MAP3K2: variants seen among roughly 807,000 people sequenced by gnomAD.
The protein encoded by MAP3K2 is mitogen-activated protein kinase kinase kinase 2.
In MAP3K2, 24 loss-of-function variants were observed where a neutral mutation model predicts 80.3. The ratio of observed to expected loss-of-function variants is 0.30; its 90% confidence interval spans 0.22 to 0.42. MAP3K2 has a LOEUF of 0.42. Among genes scored for constraint, MAP3K2 ranks in the 10% least tolerant of loss-of-function variants. The pLI is 1.00. For synonymous variants in MAP3K2, 244 were observed against 253.7 expected (o/e 0.96, Z 0.36); for missense variants, 608 against 750.1 (o/e 0.81, Z 2.21).
chr2:127,308,379 G>A (rs1023344560), intron 16 of MAP3K2, among the ~76,000 whole-genome samples: 2 of 152,186 alleles, frequency 1.3e-5, no homozygotes, highest in African/African-American at 4.8e-5. Flanking sequence ...CCTTCCTAAA[G>A]AATGGAGGAC....
intron 7 of MAP3K2, among the ~76,000 whole-genome samples, chr2:127,327,454 G>A (rs1192405117): frequency 6.6e-6 from 1 of 151,632 alleles, no homozygotes; most frequent in Non-Finnish European, 1.5e-5. Context: ...ATTGATTTAG[G>A]CTTCATAACA....
In MAP3K2 at chr2:127,387,394, G is replaced by A. The variant is rs867137127; in HGVS notation, c.-66+58C>T. On this transcript the variant is annotated intron_variant, in intron 1 of 16. Transcript: ENST00000682094. ...CCAGCCCGCGGCCCCCGACACACAC[G>A]CGCGCACACACACACACACACACAC... 1,160 of 365,908 alleles carry A rather than the reference G, an allele frequency of 3.2e-3. 22 individuals are homozygous for A. In the African/African-American group the frequency reaches 0.11, roughly 35 times the overall value. 22.7% of individuals were successfully genotyped at this position (365,908 alleles called of 1,614,324 possible).
At chr2:127,377,618 T>C (rs1374055887) in intron 1 of MAP3K2, among the ~76,000 whole-genome samples, 1 of 152,168 alleles carries the variant, frequency 6.6e-6, no homozygotes, top group Admixed American at 6.5e-5. Context: ...ACCTGTAAAA[T>C]CAGAAAAATA....
chr2:127,325,609 G>A lies in MAP3K2; in HGVS notation c.677+119C>T, dbSNP rs571784064. 1,217 of 706,310 alleles carry A rather than the reference G, an allele frequency of 1.7e-3. 3 individuals are homozygous for A. Among genetic ancestry groups the A allele is most frequent in the Non-Finnish European group, 2.5e-3 (1,023 of 412,058 alleles). The allele number at this position is 706,310 out of a possible 1,614,324, so 43.8% of individuals were successfully genotyped here. ...GGTCAGAGGTGGGAGGACTGATGGA[G>A]CCAAGGAGGTCAAGGCTGCAGTAAG... is the stretch of plus-strand genomic sequence containing the variant. On this transcript the variant is annotated intron_variant, in intron 9 of 16. Coordinates refer to ENST00000682094, the MANE Select transcript of MAP3K2 (RefSeq NM_001371910.2).
intron 1 of MAP3K2, among the ~76,000 whole-genome samples, chr2:127,374,237 C>T (rs777400271): frequency 2.6e-5 from 4 of 152,164 alleles, no homozygotes; most frequent in Non-Finnish European, 4.4e-5. Flanking sequence ...AACTTTGAGA[C>T]GGCCTTCATT....
At chr2:127,357,434 G>C (rs1686815596) in intron 1 of MAP3K2, among the ~76,000 whole-genome samples, 1 of 152,204 alleles carries the variant, frequency 6.6e-6, no homozygotes, top group African/African-American at 2.4e-5. Context: ...GCTGCAGTGA[G>C]CAATGATTGC....
At chr2:127,370,799 G>T (rs1242999555) in intron 1 of MAP3K2, among the ~76,000 whole-genome samples, 1 of 152,186 alleles carries the variant, frequency 6.6e-6, no homozygotes, top group African/African-American at 2.4e-5. Context: ...ACACAGAAGA[G>T]CCTAAAAAGG....
At chr2:127,383,195 T>G (rs528194165) in intron 1 of MAP3K2, among the ~76,000 whole-genome samples, 1 of 152,272 alleles carries the variant, frequency 6.6e-6, no homozygotes, top group African/African-American at 2.4e-5. Flanking sequence ...TCCAGTCACC[T>G]CCCACCAGGC....
At chr2:127,340,319 A>G (rs1223871321) in intron 2 of MAP3K2, among the ~76,000 whole-genome samples, 7 of 152,210 alleles carry the variant, frequency 4.6e-5, no homozygotes, top group Admixed American at 4.6e-4. Flanking sequence ...TAAGCTCACA[A>G]TGATCTCAAC....
At chr2:127,358,917 T>TCA (rs1383984980) in intron 1 of MAP3K2, among the ~76,000 whole-genome samples, 18 of 133,342 alleles carry the variant, frequency 1.3e-4, no homozygotes, top group African/African-American at 2.7e-4. Context: ...TCCAAAACAA[T>TCA]AAAAAAAAAA....
chr2:127,359,131 C>G (rs1420641203), intron 1 of MAP3K2, among the ~76,000 whole-genome samples: 2 of 152,036 alleles, frequency 1.3e-5, no homozygotes, highest in Admixed American at 6.6e-5. Flanking sequence ...CATCACTATA[C>G]TATACAACAC....
chr2:127,314,654 A>T (rs1288266402), intron 15 of MAP3K2, 100 bp downstream of exon 15: 6 of 938,386 alleles, frequency 6.4e-6, no homozygotes, highest in African/African-American at 1.7e-5. Flanking sequence ...AGTATTTCAG[A>T]GACAGATGAA....
chr2:127,352,962 A>G (rs1021185506), intron 1 of MAP3K2, among the ~76,000 whole-genome samples: 2 of 152,258 alleles, frequency 1.3e-5, no homozygotes, highest in Admixed American at 1.3e-4. Flanking sequence ...CGGCCTCCCA[A>G]GGTGCCGGGA....
chr2:127,332,281 C>A lies in MAP3K2; in HGVS notation c.265-1776G>T, dbSNP rs868412822. ...TTTTAAAGCAATGGTAATGACTGTT[C>A]CGCCGATTTTTCATTTGAGGGGAAA... On this transcript the variant is annotated intron_variant, in intron 5 of 16. Transcript: ENST00000682094. Among the ~76,000 whole-genome samples, 3 of 152,296 alleles carry A rather than the reference C, an allele frequency of 2.0e-5. 1 individual carries two copies. Among genetic ancestry groups the A allele is most frequent in the South Asian group, 4.1e-4 (2 of 4,824 alleles).
At chr2:127,380,099 G>T (rs1203969962) in intron 1 of MAP3K2, among the ~76,000 whole-genome samples, 1 of 152,156 alleles carries the variant, frequency 6.6e-6, no homozygotes, top group Admixed American at 6.5e-5. Context: ...CAATGATTTT[G>T]GGAGGCATCA....
Position 127,298,939 on chromosome 2 carries a change from A to T in MAP3K2, c.*8640T>A, listed in dbSNP as rs1285024063. On this transcript the variant is annotated 3_prime_UTR_variant, in exon 17 of 17. Coordinates refer to ENST00000682094, the MANE Select transcript of MAP3K2 (RefSeq NM_001371910.2). ...AAAATATAAACATGGTTTCTTTTAT[A>T]TTAGATTTTTTTTTAAAAAAAAGCT... The T allele has an allele frequency of 7.4e-6, 1 of 134,532 alleles. No individual in the cohort carries two copies. The highest frequency in any genetic ancestry group is 1.6e-5 in the Non-Finnish European group (1 of 61,024). The allele number at this position is 134,532 out of a possible 1,614,324, so 8.3% of individuals were successfully genotyped here. A position where few individuals can be genotyped will look rare whatever the true frequency, so the allele number is the denominator to read the frequency against.
intron 12 of MAP3K2, among the ~76,000 whole-genome samples, chr2:127,319,666 A>AAAAAAAAAAAG (rs1685976862): frequency 2.0e-5 from 3 of 148,238 alleles, no homozygotes; most frequent in Non-Finnish European, 3.0e-5. Flanking sequence ...AAAAAAAAAA[A>AAAAAAAAAAAG]AAAAAAAAAA....
chr2:127,365,505 T>C (rs1222268211), intron 1 of MAP3K2, among the ~76,000 whole-genome samples: 1 of 152,210 alleles, frequency 6.6e-6, no homozygotes, highest in Non-Finnish European at 1.5e-5. Context: ...AGAGTATGGT[T>C]AGATAGAGCT....
chr2:127,380,636 T>C (rs1190442882), intron 1 of MAP3K2, among the ~76,000 whole-genome samples: 2 of 152,166 alleles, frequency 1.3e-5, no homozygotes, highest in Non-Finnish European at 2.9e-5. Flanking sequence ...GACCTAATCT[T>C]AACTCTTTAA....
Sources: gnomAD v4.1 joint callset for allele counts (sites outside exome capture counted in the v4.1 genomes callset) on GRCh38, gnomAD v4.1.1 for gene constraint, MANE v1.5 for transcripts, NCBI Gene and HGNC (gene_info 2026-07-23, HGNC 2026-07-21) for gene names.